Variants in NECAP2 observed in about 807,000 individuals in gnomAD.
NECAP2 encodes adaptin ear-binding coat-associated protein 2.
NECAP2 carries 38 observed loss-of-function variants against 37.8 expected under a neutral mutation model. That is an observed-to-expected ratio of 1.01 (90% CI 0.78 to 1.32). NECAP2 has a LOEUF of 1.32. Among genes scored for constraint, NECAP2 ranks in the 40% most tolerant of loss-of-function variants. NECAP2 has a pLI of 0.00. For synonymous variants in NECAP2, 121 were observed against 127.7 expected (o/e 0.95, Z 0.35); for missense variants, 316 against 334.5 (o/e 0.94, Z 0.43).
At chr1:16,456,543 G>C (rs2086922595) in intron 7 of NECAP2, among the ~76,000 whole-genome samples, 1 of 152,064 alleles carries the variant, frequency 6.6e-6, no homozygotes, top group South Asian at 2.1e-4. Context: ...CCAAAATAGT[G>C]GACTGAGAGT....
At chr1:16,452,307 A>G (rs1299940726) in intron 6 of NECAP2, among the ~76,000 whole-genome samples, 6 of 152,054 alleles carry the variant, frequency 3.9e-5, no homozygotes, top group South Asian at 4.1e-4. Flanking sequence ...CTCAGTGGGT[A>G]TTGAGTGAGT....
At position 16,440,739 on chromosome 1, in the gene NECAP2, T is replaced by A; in HGVS notation, c.-23T>A. ...GAGGAACGGTGGAAGTCGCCGGAAG[T>A]TCGGTGGGCTCCAGGCGTCGCGATG... On this transcript the variant is annotated 5_prime_UTR_variant, in exon 1 of 8. Transcript: ENST00000337132. The A allele has an allele frequency of 6.2e-7, 1 of 1,607,992 alleles. No homozygotes were observed. Among genetic ancestry groups the A allele is most frequent in the Non-Finnish European group, 8.5e-7 (1 of 1,174,644 alleles).
chr1:16,456,180 C>T (rs1396010040), intron 7 of NECAP2, among the ~76,000 whole-genome samples: 9 of 152,012 alleles, frequency 5.9e-5, no homozygotes, highest in African/African-American at 2.2e-4. Context: ...CCTGCCACCA[C>T]GCCTGGCTAA....
At chr1:16,445,066 C>G (rs1472901025) in intron 2 of NECAP2, among the ~76,000 whole-genome samples, 2 of 152,144 alleles carry the variant, frequency 1.3e-5, no homozygotes, top group Non-Finnish European at 2.9e-5. Context: ...CCTCGTGATC[C>G]GCCCACCTCG....
intron 6 of NECAP2, among the ~76,000 whole-genome samples, chr1:16,452,268 A>G (rs1039072541): frequency 4.6e-5 from 7 of 152,102 alleles, no homozygotes; most frequent in African/African-American, 7.2e-5. Flanking sequence ...GAAATCATCA[A>G]CATGTCGGTT....
At chr1:16,447,318 T>TTG (rs2086778480) in intron 2 of NECAP2, among the ~76,000 whole-genome samples, 1 of 152,240 alleles carries the variant, frequency 6.6e-6, no homozygotes, top group African/African-American at 2.4e-5. Context: ...CAAGGGCTTT[T>TTG]AAAGCTAGTC....
At position 16,459,873 on chromosome 1, in the gene NECAP2, A is replaced by G. The variant is rs906898014; in HGVS notation, c.*983A>G. 8 of 152,198 alleles carry G rather than the reference A, an allele frequency of 5.3e-5. No homozygotes were observed. The highest frequency in any genetic ancestry group is 1.5e-5 in the Non-Finnish European group (1 of 68,032). The allele number at this position is 152,198 out of a possible 1,614,324, so 9.4% of individuals were successfully genotyped here. ...TTCAGGAACTGTGAATGGCTAGAAG[A>G]AGGAGCTCAGTAAACTAGAAGTCCA... On this transcript the variant is annotated 3_prime_UTR_variant, in exon 8 of 8. Coordinates refer to ENST00000337132, the MANE Select transcript of NECAP2 (RefSeq NM_018090.5).
At chr1:16,452,918 A>G (rs1384016329) in intron 6 of NECAP2, among the ~76,000 whole-genome samples, 2 of 151,940 alleles carry the variant, frequency 1.3e-5, no homozygotes, top group Non-Finnish European at 2.9e-5. Flanking sequence ...AGCCTCCCCA[A>G]CATTGGCTGC....
chr1:16,441,065 G>A lies in NECAP2; in HGVS notation c.92+212G>A, dbSNP rs979474169. ...GACGCACGGGACTCCTGGCGGCGGG[G>A]AGGGCGTTAAAGCCGTATCTAGCGC... On this transcript the variant is annotated intron_variant, in intron 1 of 7. Transcript: ENST00000337132. 1.2e-5 allele frequency: 7 copies of A among 577,720 alleles called. No homozygotes were observed. The African/African-American group carries it at 1.3e-4, about 11-fold the overall frequency. 35.8% of individuals were successfully genotyped at this position (577,720 alleles called of 1,614,324 possible).
chr1:16,442,735 C>T (rs1311001765), intron 1 of NECAP2, among the ~76,000 whole-genome samples: 1 of 152,178 alleles, frequency 6.6e-6, no homozygotes, highest in Non-Finnish European at 1.5e-5. Context: ...CAGGACCAGC[C>T]TGGGCAACAT....
chr1:16,458,722 C>T (rs1005203763), intron 7 of NECAP2, 120 bp from the exon 8 acceptor site: 1 of 1,023,478 alleles, frequency 9.8e-7, no homozygotes, highest in Non-Finnish European at 1.5e-6. Flanking sequence ...GACTGCTGCT[C>T]TAGAACATTT....
At chr1:16,446,460 G>T (rs911322217) in intron 2 of NECAP2, among the ~76,000 whole-genome samples, 2 of 152,320 alleles carry the variant, frequency 1.3e-5, no homozygotes, top group South Asian at 4.1e-4. Flanking sequence ...GTGAGAGGCT[G>T]AAGCGGGAAG....
At chr1:16,454,083 G>A (rs2086883957) in intron 6 of NECAP2, among the ~76,000 whole-genome samples, 1 of 152,156 alleles carries the variant, frequency 6.6e-6, no homozygotes, top group Non-Finnish European at 1.5e-5. Context: ...TTGAGATGGA[G>A]TTTTTTGCTC....
Position 16,452,005 on chromosome 1 carries a change from T to TAA in NECAP2, c.657_658insAA (p.Pro220AsnfsTer81). The TAA allele has an allele frequency of 6.3e-7, 1 of 1,592,160 alleles. No homozygotes were observed. Among genetic ancestry groups the TAA allele is most frequent in the Non-Finnish European group, 8.6e-7 (1 of 1,169,248 alleles). Reference sequence around the variant, plus strand: ...GATCCCTCGTCCAGCCAGCAGTTGCTCCCAGTTCAGGTTAGTGCTCAGTGG... The same window carrying TAA: ...GATCCCTCGTCCAGCCAGCAGTTGCTAACCCAGTTCAGGTTAGTGCTCAGTGG... On this transcript the variant is annotated frameshift_variant, in exon 6 of 8. Transcript: ENST00000337132. LOFTEE classifies it high-confidence loss of function.
At chr1:16,449,945 G>C (rs372889981) in intron 5 of NECAP2, 2 of 292,920 alleles carry the variant, frequency 6.8e-6, no homozygotes, top group Admixed American at 9.5e-5. Context: ...TGAGGTCAGA[G>C]TCATGATTGC....
At position 16,455,806 on chromosome 1, in the gene NECAP2, G is replaced by A. The variant is rs1368494708; in HGVS notation, c.668-12G>A. 6.2e-7 allele frequency: 1 copy of A among 1,612,604 alleles called. No individual in the cohort carries two copies. Among genetic ancestry groups the A allele is most frequent in the Non-Finnish European group, 8.5e-7 (1 of 1,178,670 alleles). The stretch of plus-strand genomic sequence containing the variant: ...TTCTCTTCCTACGGGTCGGACTCGG[G>A]AACATCAATAGGAGGTGCTCCTGTA... On this transcript the variant is annotated splice_polypyrimidine_tract_variant and intron_variant, in intron 6 of 7. Coordinates refer to ENST00000337132, the MANE Select transcript of NECAP2 (RefSeq NM_018090.5).
At chr1:16,457,539 G>A (rs1031715310) in intron 7 of NECAP2, among the ~76,000 whole-genome samples, 3 of 152,120 alleles carry the variant, frequency 2.0e-5, no homozygotes, top group African/African-American at 7.2e-5. Flanking sequence ...ACTTGCCAGT[G>A]GCACTTCAGA....
intron 5 of NECAP2, 156 bp downstream of exon 5, chr1:16,449,357 CCT>C: frequency 1.7e-6 from 1 of 591,708 alleles, no homozygotes; most frequent in Non-Finnish European, 3.0e-6. Context: ...GAACAAGAGA[CCT>C]CTGTTCTCAT....
In NECAP2 at chr1:16,459,980, A is replaced by T. The variant is rs2086991690; in HGVS notation, c.*1090A>T. 6.6e-6 allele frequency: 1 copy of T among 152,178 alleles called. No homozygotes were observed. Among genetic ancestry groups the T allele is most frequent in the Non-Finnish European group, 1.5e-5 (1 of 68,038 alleles). The allele number at this position is 152,178 out of a possible 1,614,324, so 9.4% of individuals were successfully genotyped here. On this transcript the variant is annotated 3_prime_UTR_variant, in exon 8 of 8. Transcript: ENST00000337132. Reference sequence around the variant, plus strand: ...TATTAACTCACCTCTCAGTTGAAAGATTTCTTCTTTGAAAGGTCAAGACCG... The same window carrying T: ...TATTAACTCACCTCTCAGTTGAAAGTTTTCTTCTTTGAAAGGTCAAGACCG...
Sources: allele counts gnomAD v4.1 joint callset (sites outside exome capture counted in the v4.1 genomes callset), GRCh38; gene constraint gnomAD v4.1.1; transcripts MANE v1.5; gene names NCBI Gene and HGNC (gene_info 2026-07-23, HGNC 2026-07-21).